SEMA4D: variants seen among roughly 807,000 people sequenced by gnomAD.
SEMA4D encodes semaphorin-4D.
In SEMA4D, 22 loss-of-function variants were observed where a neutral mutation model predicts 74.8. That is an observed-to-expected ratio of 0.29 (90% CI 0.21 to 0.42). The LOEUF is 0.42. Ranked by LOEUF, SEMA4D falls within the 10% of genes least tolerant of loss-of-function variation. The probability of loss-of-function intolerance (pLI) is 1.00; values close to 1 mark genes in which losing one functional copy is unlikely to be tolerated. For synonymous variants in SEMA4D, 445 were observed against 463.7 expected (o/e 0.96, Z 0.52); for missense variants, 937 against 1,118.4 (o/e 0.84, Z 2.31).
intron 13 of SEMA4D, chr9:89,385,414 C>T (rs1258392818): frequency 1.0e-6 from 1 of 985,308 alleles, no homozygotes; most frequent in East Asian, 1.1e-4. Flanking sequence ...CTTCTTTCAA[C>T]AACGAGGCTG....
chr9:89,450,660 GAAAAA>G lies in SEMA4D; in HGVS notation c.-244+5223_-244+5227del, dbSNP rs71358578. 2,707 of 429,612 alleles carry G rather than the reference GAAAAA, an allele frequency of 6.3e-3. 41 individuals are homozygous for G. Among genetic ancestry groups the G allele is most frequent in the African/African-American group, 0.028 (513 of 18,092 alleles). 26.6% of individuals were successfully genotyped at this position (429,612 alleles called of 1,614,324 possible). A position where few individuals can be genotyped will look rare whatever the true frequency, so the allele number is the denominator to read the frequency against. Reference sequence around the variant, plus strand: ...GAGTTCTGCAAGTCGAAAAACCCAGGAAAAAAAAAAAAAAAAAAAAAAAAAAAGGC... The same window carrying G: ...GAGTTCTGCAAGTCGAAAAACCCAGGAAAAAAAAAAAAAAAAAAAAAAGGC... On this transcript the variant is annotated intron_variant, in intron 2 of 15. Coordinates refer to ENST00000422704, the MANE Select transcript of SEMA4D (RefSeq NM_001371194.2).
intron 2 of SEMA4D, among the ~76,000 whole-genome samples, chr9:89,439,070 C>T (rs1851138707): frequency 6.8e-6 from 1 of 147,542 alleles, no homozygotes. Context: ...CAACCTCTGC[C>T]TCCCGGATTC....
At chr9:89,390,557 T>G (rs1404333214) in intron 9 of SEMA4D, among the ~76,000 whole-genome samples, 1 of 152,300 alleles carries the variant, frequency 6.6e-6, no homozygotes, top group African/African-American at 2.4e-5. Context: ...GAACCCTGCT[T>G]CTCTGATGTC....
At chr9:89,435,302 G>C (rs1402246547) in intron 2 of SEMA4D, among the ~76,000 whole-genome samples, 1 of 152,202 alleles carries the variant, frequency 6.6e-6, no homozygotes, top group African/African-American at 2.4e-5. Flanking sequence ...TGGGAATCTT[G>C]ACTTGATGAG....
chr9:89,480,600 C>T (rs1244194680), intron 1 of SEMA4D, among the ~76,000 whole-genome samples: 1 of 152,248 alleles, frequency 6.6e-6, no homozygotes, highest in Non-Finnish European at 1.5e-5. Flanking sequence ...AAATCGAGCA[C>T]AGCGCCGGTG....
chr9:89,409,838 G>A (rs536038713), intron 2 of SEMA4D, among the ~76,000 whole-genome samples: 1 of 152,116 alleles, frequency 6.6e-6, no homozygotes, highest in Admixed American at 6.5e-5. Flanking sequence ...AGTCCTCTGC[G>A]TATCCCAATA....
chr9:89,472,487 T>G, intron 1 of SEMA4D: 1 of 267,382 alleles, frequency 3.7e-6, no homozygotes, highest in South Asian at 4.5e-5. Context: ...TTTTGTAAGA[T>G]TTGTGACAAA....
downstream of SEMA4D, among the ~76,000 whole-genome samples, chr9:89,375,701 G>T (rs559275976): frequency 1.3e-5 from 2 of 152,110 alleles, no homozygotes; most frequent in African/African-American, 4.8e-5. Context: ...GGGCCACCAG[G>T]GCTACCACGC....
Position 89,461,636 on chromosome 9 carries a change from C to T in SEMA4D, c.-309-5683G>A, listed in dbSNP as rs190465089. Among the ~76,000 whole-genome samples the T allele has an allele frequency of 2.7e-5, 4 of 150,754 alleles. No individual in the cohort carries two copies. The East Asian group carries it at 7.9e-4, about 30-fold the overall frequency. ...TGAACAGAAATCATGGTGTCCTGGA[C>T]ATCATAAACCCCCAGAGTCCTGGGA... On this transcript the variant is annotated intron_variant, in intron 1 of 15. Coordinates refer to ENST00000422704, the MANE Select transcript of SEMA4D (RefSeq NM_001371194.2).
In SEMA4D at chr9:89,450,233, T is replaced by C. The variant is rs1031069960; in HGVS notation, c.-244+5655A>G. The C allele has an allele frequency of 3.3e-6, 4 of 1,221,562 alleles. No individual in the cohort carries two copies. The African/African-American group carries it at 4.5e-5, about 14-fold the overall frequency. 75.7% of individuals were successfully genotyped at this position (1,221,562 alleles called of 1,614,324 possible). Reference sequence around the variant, plus strand: ...AATTTGAGGTACATGAAGTATATGCTGTGGATGTTCTCATCAGCTCAGGAA... The same window carrying C: ...AATTTGAGGTACATGAAGTATATGCCGTGGATGTTCTCATCAGCTCAGGAA... On this transcript the variant is annotated intron_variant, in intron 2 of 15. Transcript: ENST00000422704.
intron 2 of SEMA4D, among the ~76,000 whole-genome samples, chr9:89,439,575 T>G (rs1449396370): frequency 6.6e-6 from 1 of 152,240 alleles, no homozygotes; most frequent in Non-Finnish European, 1.5e-5. Context: ...TTTTTAATTA[T>G]GCAAAGAAGC....
intron 2 of SEMA4D, among the ~76,000 whole-genome samples, chr9:89,443,381 GC>G (rs1408947819): frequency 6.6e-6 from 1 of 152,222 alleles, no homozygotes; most frequent in African/African-American, 2.4e-5. Flanking sequence ...TTCCCACGGG[GC>G]CTGGCTGCCC....
chr9:89,480,313 C>T (rs1216961739), intron 1 of SEMA4D, among the ~76,000 whole-genome samples: 13 of 152,166 alleles, frequency 8.5e-5, no homozygotes, highest in Non-Finnish European at 1.6e-4. Flanking sequence ...GATATAAAGA[C>T]TCTCCACGTC....
At chr9:89,449,627 G>A in intron 2 of SEMA4D, 3 of 1,225,878 alleles carry the variant, frequency 2.4e-6, no homozygotes, top group Non-Finnish European at 3.6e-6. Context: ...CTATAAGATG[G>A]GGGGGTGACA....
chr9:89,472,202 G>C (rs968591790), intron 1 of SEMA4D: 2 of 208,616 alleles, frequency 9.6e-6, no homozygotes, highest in African/African-American at 2.4e-5. Context: ...CACATCCCAA[G>C]GGTGAAGTCA....
chr9:89,466,587 C>T (rs1858776514), intron 1 of SEMA4D, among the ~76,000 whole-genome samples: 1 of 152,114 alleles, frequency 6.6e-6, no homozygotes, highest in South Asian at 2.1e-4. Context: ...ACACAGCCCC[C>T]GTGTGCACAA....
At chr9:89,489,337 T>G (rs1825447598) in intron 1 of SEMA4D, among the ~76,000 whole-genome samples, 1 of 152,230 alleles carries the variant, frequency 6.6e-6, no homozygotes, top group Non-Finnish European at 1.5e-5. Context: ...CAGCATGTCT[T>G]ATATCATCTT....
chr9:89,443,420 G>A (rs796540272), intron 2 of SEMA4D, among the ~76,000 whole-genome samples: 12 of 152,324 alleles, frequency 7.9e-5, no homozygotes, highest in African/African-American at 1.4e-4. Context: ...ACCTCGAAGC[G>A]GGTGTACCAC....
chr9:89,392,309 G>A, intron 8 of SEMA4D, 114 bp downstream of exon 8: 1 of 731,776 alleles, frequency 1.4e-6, no homozygotes, highest in Non-Finnish European at 2.4e-6. Flanking sequence ...CACAAACAGG[G>A]GCTAACACAA....
Sources: gnomAD v4.1 joint callset for allele counts (sites outside exome capture counted in the v4.1 genomes callset) on GRCh38, gnomAD v4.1.1 for gene constraint, MANE v1.5 for transcripts, NCBI Gene and HGNC (gene_info 2026-07-23, HGNC 2026-07-21) for gene names.